The following CYP2A6 variants were observed in gnomAD, a reference collection of about 807,000 sequenced individuals.
CYP2A6 encodes the protein cytochrome P450 family 2 subfamily A member 6, also known as cytochrome P450 2A6.
A neutral mutation model predicts 42.3 loss-of-function variants in CYP2A6; 27 were observed. The observed-to-expected ratio is 0.64, with a 90% CI of 0.47 to 0.88. The LOEUF is 0.88. CYP2A6 is among the 40% of genes least tolerant of loss of function. The pLI is 0.00. For synonymous variants in CYP2A6, 238 were observed against 246.3 expected, an observed-to-expected ratio of 0.97 and a Z score of 0.31; for missense variants, 628 against 646.0, an observed-to-expected ratio of 0.97 and a Z score of 0.30.
intron 2 of CYP2A6, among the ~76,000 whole-genome samples, chr19:40,849,014 A>AG (rs1206367272): frequency 3.8e-4 from 26 of 68,402 alleles, no homozygotes; most frequent in South Asian, 2.1e-3. Context: ...GAGAGAGAAG[A>AG]GAGAGAGGAG....
chr19:40,844,916 T>A, intron 7 of CYP2A6, 144 bp from the exon 8 acceptor site: 1 of 1,065,088 alleles, frequency 9.4e-7, no homozygotes, highest in Admixed American at 2.8e-5. Context: ...TGGAGGAGCT[T>A]TGGGGGATAG....
intron 2 of CYP2A6, among the ~76,000 whole-genome samples, chr19:40,849,376 AT>A (rs1438135802): frequency 2.0e-5 from 3 of 151,422 alleles, no homozygotes; most frequent in Non-Finnish European, 2.9e-5. Flanking sequence ...TTACCAGGAG[AT>A]GGAGGCTGAA....
intron 2 of CYP2A6, among the ~76,000 whole-genome samples, chr19:40,848,996 G>GA (rs1312481913): frequency 6.4e-5 from 7 of 110,116 alleles, no homozygotes; most frequent in South Asian, 3.0e-4. Flanking sequence ...AGGAGAGAGA[G>GA]AGAGAGAGAG....
At chr19:40,846,477 T>A (rs1018341145) in intron 5 of CYP2A6, among the ~76,000 whole-genome samples, 2 of 151,282 alleles carry the variant, frequency 1.3e-5, no homozygotes, top group Non-Finnish European at 2.9e-5. Flanking sequence ...CGCATGACCA[T>A]GCAGGCTCAC....
chr19:40,850,011 G>A, intron 1 of CYP2A6, 31 bp from the exon 2 acceptor site: 1 of 1,608,088 alleles, frequency 6.2e-7, no homozygotes, highest in Non-Finnish European at 8.5e-7. Flanking sequence ...TGGTTAGAGG[G>A]AGAAGCCTCC....
At position 40,846,141 on chromosome 19, in the gene CYP2A6, C is replaced by T. The variant is rs752578094; in HGVS notation, c.832-44G>A. 6 of 1,604,926 alleles carry T rather than the reference C, an allele frequency of 3.7e-6. 1 individual carries two copies. In the South Asian group the frequency reaches 5.5e-5, roughly 15 times the overall value. On this transcript the variant is annotated intron_variant, in intron 5 of 8. Coordinates refer to ENST00000301141, the MANE Select transcript of CYP2A6 (RefSeq NM_000762.6). Reference sequence around the variant, plus strand: ...TTAGGCCAACCTCACTCCTCTTGCCCTCAGGGCCCTTCTAGGGCTTTTCCT... The same window carrying T: ...TTAGGCCAACCTCACTCCTCTTGCCTTCAGGGCCCTTCTAGGGCTTTTCCT...
Position 40,848,237 on chromosome 19 carries a change from C to T in CYP2A6, c.636G>A (p.Thr212=). ...CAGTTACCTGCCCCGTGGAGGTTGA[C>T]GTGAACTGGAAGATTCCTAGCATCA... ...LRMMLGIFQF[T]STSTGQLYEM... The change falls in exon 4 of 9, where the codon ACG becomes ACA. Residue 212 remains threonine, a synonymous_variant. Coordinates refer to ENST00000301141, the MANE Select transcript of CYP2A6 (RefSeq NM_000762.6). 1.2e-6 allele frequency: 2 copies of T among 1,611,742 alleles called. No homozygotes were observed. Among genetic ancestry groups the T allele is most frequent in the South Asian group, 1.1e-5 (1 of 90,910 alleles).
rs1021648364 is a variant in CYP2A6 at position 40,844,920 on chromosome 19, G to A, written c.1162-148C>T. The A allele has an allele frequency of 3.9e-6, 4 of 1,029,162 alleles. No homozygotes were observed. In the African/African-American group the frequency reaches 6.5e-5, roughly 17 times the overall value. The allele number at this position is 1,029,162 out of a possible 1,614,324, so 63.8% of individuals were successfully genotyped here. On this transcript the variant is annotated intron_variant, in intron 7 of 8. Transcript: ENST00000301141. ...GGGTCCTCTGATGGAGGAGCTTTGG[G>A]GGATAGAAGGTTCACATCTCTGAAA...
In CYP2A6 at chr19:40,846,946, G is replaced by T. The variant is rs1388164606; in HGVS notation, c.760C>A (p.His254Asn). 3 of 1,612,088 alleles carry T rather than the reference G, an allele frequency of 1.9e-6. No homozygotes were observed. In the East Asian group the frequency reaches 6.9e-5, roughly 37 times the overall value. Residue 254 changes from histidine (H) to asparagine (N), a missense_variant, in exon 5 of 9, where the codon CAC (histidine) becomes AAC (asparagine). Physicochemically the swap from His to Asn is moderately conservative, Grantham distance 68. Coordinates refer to ENST00000301141, the MANE Select transcript of CYP2A6 (RefSeq NM_000762.6). ...LEDFIAKKVE[H>N]NQRTLDPNSP... ...TTGGGATCCAGCGTGCGCTGGTTGT[G>T]CTCCACCTTCTTGGCTATGAAGTCC...
At chr19:40,846,147 G>C in intron 5 of CYP2A6, 50 bp from the exon 6 acceptor site, 1 of 1,602,218 alleles carries the variant, frequency 6.2e-7, no homozygotes, top group Non-Finnish European at 8.5e-7. Flanking sequence ...TGCCCTCAGG[G>C]CCCTTCTAGG....
At chr19:40,847,546 AG>A (rs1375649151) in intron 4 of CYP2A6, among the ~76,000 whole-genome samples, 1 of 151,454 alleles carries the variant, frequency 6.6e-6, no homozygotes, top group Non-Finnish European at 1.5e-5. Flanking sequence ...GTTGAAGTGG[AG>A]GGGATACCTG....
At chr19:40,846,766 T>A (rs2145122407) in intron 5 of CYP2A6, 109 bp downstream of exon 5, 1 of 1,474,346 alleles carries the variant, frequency 6.8e-7, no homozygotes, top group Non-Finnish European at 9.1e-7. Context: ...TGAGGATTAT[T>A]ATGATGAGGG....
chr19:40,844,619 G>A lies in CYP2A6; in HGVS notation c.1303+12C>T, dbSNP rs2083446056. ...GTGAGCCGTGGCCTGGCAGCAAACA[G>A]TGGTCTCTTACCGATGGAAAAGGGC... On this transcript the variant is annotated intron_variant, in intron 8 of 8. Transcript: ENST00000301141. 12 of 1,611,408 alleles carry A rather than the reference G, an allele frequency of 7.4e-6. 2 individuals are homozygous for A. In the East Asian group the frequency reaches 2.8e-4, roughly 37 times the overall value.
At chr19:40,849,102 A>G (rs1856212346) in intron 2 of CYP2A6, among the ~76,000 whole-genome samples, 1 of 139,652 alleles carries the variant, frequency 7.2e-6, no homozygotes, top group Non-Finnish European at 1.6e-5. Flanking sequence ...AGGTTTAAAG[A>G]ATAAGACAAT....
At chr19:40,848,592 G>T (rs1293310464) in intron 3 of CYP2A6, 22 bp downstream of exon 3, 7 of 1,606,972 alleles carry the variant, frequency 4.4e-6, no homozygotes, top group Non-Finnish European at 5.1e-6. Flanking sequence ...TCCTGCCCCC[G>T]CACTCGGGGT....
In CYP2A6 at chr19:40,849,960, G is replaced by A. The variant is rs72549433; in HGVS notation, c.201C>T (p.Pro67=). 7.1e-4 allele frequency: 1,146 copies of A among 1,611,232 alleles called. 14 individuals are homozygous for A. The African/African-American group carries it at 0.013, about 18-fold the overall frequency. The change falls in exon 2 of 9, where the codon CCC becomes CCT. Residue 67 remains proline, a synonymous_variant. Transcript: ENST00000301141. ...GGGGCCCCAAGTGAATGGTGAACAC[G>A]GGGCCATAGCGCTCACTGATCTGAT... ...SLMKISERYG[P]VFTIHLGPRR...
intron 2 of CYP2A6, among the ~76,000 whole-genome samples, chr19:40,849,045 G>GAGAGAGAAGAGAGAGAGGAGAGAGA (rs1235580651): frequency 4.1e-5 from 1 of 24,240 alleles, no homozygotes; most frequent in Non-Finnish European, 6.9e-5. Flanking sequence ...AAGAGAGAGA[G>GAGAGAGAAGAGAGAGAGGAGAGAGA]GAGAGAGAGA....
chr19:40,845,842 A>C lies in CYP2A6; in HGVS notation c.973+114T>G, dbSNP rs149876040. ...CAGCTGAATGTTGCCCTGTCTCTGG[A>C]CAGCAAGTCACGTCTCAGGGTCCCG... On this transcript the variant is annotated intron_variant, in intron 6 of 8. Coordinates refer to ENST00000301141, the MANE Select transcript of CYP2A6 (RefSeq NM_000762.6). The C allele has an allele frequency of 5.9e-3, 8,791 of 1,485,386 alleles. 100 individuals carry two copies. Among genetic ancestry groups the C allele is most frequent in the Non-Finnish European group, 7.0e-3 (7,704 of 1,105,434 alleles). 92.0% of individuals were successfully genotyped at this position (1,485,386 alleles called of 1,614,324 possible).
In CYP2A6 at chr19:40,849,021, G is replaced by GGAGAGAGA. The variant is rs1193510304; in HGVS notation, c.344-266_344-259dup. 7.2e-4 allele frequency among the ~76,000 whole-genome samples: 36 copies of GGAGAGAGA among 50,114 alleles called. 2 individuals are homozygous for GGAGAGAGA. The highest frequency in any genetic ancestry group is 3.1e-3 in the African/African-American group (35 of 11,212). 32.9% of individuals were successfully genotyped at this position (50,114 alleles called of 152,430 possible). The stretch of plus-strand genomic sequence containing the variant: ...GAGAGAGAGAGAGAGAAGAGAGAGA[G>GGAGAGAGA]GAGAGAGAGAGAGAAGAGAGAGAGG... On this transcript the variant is annotated intron_variant, in intron 2 of 8. Transcript: ENST00000301141.
Sources: gnomAD v4.1 joint callset for allele counts (sites outside exome capture counted in the v4.1 genomes callset) on GRCh38, gnomAD v4.1.1 for gene constraint, MANE v1.5 for transcripts, NCBI Gene and HGNC (gene_info 2026-07-23, HGNC 2026-07-21) for gene names.